Variants in CD276 observed in about 807,000 individuals in gnomAD.
CD276 encodes CD276 molecule.
CD276 carries 34 observed loss-of-function variants against 50.0 expected under a neutral mutation model. The ratio of observed to expected loss-of-function variants is 0.68; its 90% CI spans 0.52 to 0.91. The LOEUF (loss-of-function observed/expected upper bound fraction) is 0.91, where lower values mean the gene tolerates loss of function less well. CD276 is among the 40% of genes least tolerant of loss of function. CD276 has a pLI of 0.00. For missense variants in CD276, 634 were observed against 717.5 expected (o/e 0.88, Z 1.33); for synonymous variants, 275 against 313.0 (o/e 0.88, Z 1.28).
chr15:73,704,606 A>G lies in CD276; in HGVS notation c.1369+134A>G. On this transcript the variant is annotated intron_variant, in intron 6 of 9. Coordinates refer to ENST00000318443, the MANE Select transcript of CD276 (RefSeq NM_001024736.2). The surrounding 1 kb of genome is among the most constrained non-coding windows in gnomAD (Gnocchi z 4.1). The stretch of plus-strand genomic sequence containing the variant: ...CCTTTCATAGACTTCAGGTGCTCAC[A>G]CTCTTCCCCACAAGTCCTTAAGGGA... 2 of 1,174,698 alleles carry G rather than the reference A, an allele frequency of 1.7e-6. No individual in the cohort carries two copies. Among genetic ancestry groups the G allele is most frequent in the East Asian group, 2.6e-5 (1 of 38,944 alleles). 72.8% of individuals were successfully genotyped at this position (1,174,698 alleles called of 1,614,324 possible). A position where few individuals can be genotyped will look rare whatever the true frequency, so the allele number is the denominator to read the frequency against.
At chr15:73,698,022 G>C (rs1208003257) in intron 1 of CD276, among the ~76,000 whole-genome samples, 1 of 152,154 alleles carries the variant, frequency 6.6e-6, no homozygotes, top group Non-Finnish European at 1.5e-5. Flanking sequence ...AAATGTTTAG[G>C]CAGCAGCTGT....
intron 1 of CD276, among the ~76,000 whole-genome samples, chr15:73,686,012 C>A (rs866243996): frequency 2.0e-5 from 3 of 152,164 alleles, no homozygotes; most frequent in Admixed American, 1.3e-4. Flanking sequence ...AATTTACATA[C>A]GTCACCGTCA....
At chr15:73,705,843 T>C (rs1596017775) in intron 6 of CD276, among the ~76,000 whole-genome samples, 2 of 152,302 alleles carry the variant, frequency 1.3e-5, no homozygotes, top group African/African-American at 2.4e-5. Flanking sequence ...ATATTTGCGA[T>C]GCTGTGCAGA....
At position 73,704,059 on chromosome 15, in the gene CD276, C is replaced by G; in HGVS notation, c.1072+62C>G. The stretch of plus-strand genomic sequence containing the variant: ...ACCCTCCATTCCCTCTGCAGCCCAC[C>G]CTCTGCTGCACCACTGCTCCCAGAA... On this transcript the variant is annotated intron_variant, in intron 5 of 9. Coordinates refer to ENST00000318443, the MANE Select transcript of CD276 (RefSeq NM_001024736.2). The surrounding 1 kb of genome is among the most constrained non-coding windows in gnomAD (Gnocchi z 4.1). The G allele has an allele frequency of 6.4e-7, 1 of 1,568,376 alleles. No homozygotes were observed. Among genetic ancestry groups the G allele is most frequent in the Non-Finnish European group, 8.6e-7 (1 of 1,157,202 alleles).
rs1348553934 is a variant in CD276 at position 73,699,584 on chromosome 15, A to C, written c.-54-2A>C. ...AAAGGCCTTGCGTCCTCTTTCTCCC[A>C]GGCAGGGGCAGCCTTCCACCACGGG... On this transcript the variant is annotated splice_acceptor_variant, in intron 1 of 9. Transcript: ENST00000318443. LOFTEE classifies it low-confidence loss of function (5UTR_SPLICE). 3 of 1,598,974 alleles carry C rather than the reference A, an allele frequency of 1.9e-6. No homozygotes were observed. Among genetic ancestry groups the C allele is most frequent in the Non-Finnish European group, 2.6e-6 (3 of 1,174,230 alleles).
chr15:73,689,971 T>C (rs1463001368), intron 1 of CD276, among the ~76,000 whole-genome samples: 1 of 152,194 alleles, frequency 6.6e-6, no homozygotes, highest in African/African-American at 2.4e-5. Flanking sequence ...GTTTTCCTTT[T>C]TTCGTTAATT....
chr15:73,711,036 C>A, intron 8 of CD276, 99 bp from the exon 9 acceptor site: 1 of 1,277,596 alleles, frequency 7.8e-7, no homozygotes. Context: ...GCTGACTTGT[C>A]CCGCCCCTTC....
At chr15:73,684,789 G>A (rs1399358654) in intron 1 of CD276, 2 of 152,502 alleles carry the variant, frequency 1.3e-5, no homozygotes, top group Non-Finnish European at 2.9e-5. Flanking sequence ...GGAAGCTGCG[G>A]ACCGGGCCGG....
At chr15:73,690,833 C>T (rs1899959012) in intron 1 of CD276, 28 of 455,058 alleles carry the variant, frequency 6.2e-5, no homozygotes, top group South Asian at 4.3e-4. Flanking sequence ...TGGTGAGGGG[C>T]AAGTAGGAAG....
rs768506295 is a variant in CD276, at chr15:73,702,827, G to A, written c.474G>A (p.Gly158=). The change falls in exon 4 of 10, where the codon GGG becomes GGA. Residue 158 remains glycine, a synonymous_variant. Transcript: ENST00000318443. ...TLEPNKDLRP[G]DTVTITCSSY... ...AGCCCAACAAGGACCTGCGGCCAGG[G>A]GACACGGTGACCATCACGTGCTCCA... is the stretch of plus-strand genomic sequence containing the variant. The A allele has an allele frequency of 2.5e-6, 4 of 1,613,956 alleles. No homozygotes were observed. The highest frequency in any genetic ancestry group is 1.7e-5 in the Admixed American group (1 of 59,992).
rs1023939732 is a variant in CD276 at position 73,704,719 on chromosome 15, C to G, written c.1369+247C>G. Among the ~76,000 whole-genome samples, 3 of 152,186 alleles carry G rather than the reference C, an allele frequency of 2.0e-5. No individual in the cohort carries two copies. The highest frequency in any genetic ancestry group is 7.2e-5 in the African/African-American group (3 of 41,438). ...TGCTTCTTATGCAGAGGACAAGGTA[C>G]CTGCCCGAAATTTGGAGGCATGGGC... On this transcript the variant is annotated intron_variant, in intron 6 of 9. Transcript: ENST00000318443. The surrounding 1 kb of genome is among the most constrained non-coding windows in gnomAD (Gnocchi z 4.1).
rs1900810834 is a variant in CD276 at position 73,709,645 on chromosome 15, C to T, written c.1505-3C>T. On this transcript the variant is annotated splice_polypyrimidine_tract_variant and splice_region_variant and intron_variant, in intron 7 of 9. Transcript: ENST00000318443. Reference sequence around the variant, plus strand: ...TGTTTATTCTGAGTTCTTGCCTTTGCAGGAGCTGAGGACCAGGATGGGGAG... The same window carrying T: ...TGTTTATTCTGAGTTCTTGCCTTTGTAGGAGCTGAGGACCAGGATGGGGAG... The T allele has an allele frequency of 6.2e-7, 1 of 1,612,612 alleles. No homozygotes were observed. The highest frequency in any genetic ancestry group is 1.7e-5 in the Admixed American group (1 of 59,660).
rs555400591 is a variant in CD276 at position 73,703,117 on chromosome 15, G to A, written c.733+31G>A. 598 of 1,540,504 alleles carry A rather than the reference G, an allele frequency of 3.9e-4. 3 individuals carry two copies. The South Asian group carries it at 5.2e-3, about 13-fold the overall frequency. The stretch of plus-strand genomic sequence containing the variant: ...TTTGCTTAAATGTCCCCTTGGGGGA[G>A]GGGGGTTCTGCTTCTGTCGGCAGGG... On this transcript the variant is annotated intron_variant, in intron 4 of 9. Transcript: ENST00000318443.
In CD276 at chr15:73,713,629, A is replaced by G; in HGVS notation, c.*673A>G. On this transcript the variant is annotated 3_prime_UTR_variant, in exon 10 of 10. Transcript: ENST00000318443. ...GCGCCCACCACATGCACAGCTGTGC[A>G]TGGAGACCTGCAGGTGCACGTGCTG... 2.7e-6 allele frequency: 1 copy of G among 371,910 alleles called. No individual in the cohort carries two copies. Among genetic ancestry groups the G allele is most frequent in the South Asian group, 2.0e-5 (1 of 49,372 alleles). The allele number at this position is 371,910 out of a possible 1,614,324, so 23.0% of individuals were successfully genotyped here.
chr15:73,710,128 A>G (rs1461627793), intron 8 of CD276, among the ~76,000 whole-genome samples: 20 of 152,236 alleles, frequency 1.3e-4, no homozygotes, highest in Admixed American at 1.2e-3. Context: ...ACAGATTCAT[A>G]GGTTGTTTGA....
intron 6 of CD276, among the ~76,000 whole-genome samples, chr15:73,706,233 G>C (rs1900646898): frequency 6.6e-6 from 1 of 152,196 alleles, no homozygotes; most frequent in Non-Finnish European, 1.5e-5. Flanking sequence ...CTGGGTGACA[G>C]AGCAAGACAC....
At chr15:73,694,641 C>T (rs984351467) in intron 1 of CD276, among the ~76,000 whole-genome samples, 4 of 151,960 alleles carry the variant, frequency 2.6e-5, no homozygotes, top group African/African-American at 7.3e-5. Context: ...GCAGTATGAT[C>T]GCCACACACA....
intron 7 of CD276, 53 bp downstream of exon 7, chr15:73,708,526 G>A: frequency 6.4e-7 from 1 of 1,563,202 alleles, no homozygotes; most frequent in Non-Finnish European, 8.7e-7. Flanking sequence ...GTGTCTTGGG[G>A]TATGTTGCTG....
In CD276 at chr15:73,713,594, AG is replaced by A; in HGVS notation, c.*641del. 3.1e-6 allele frequency: 1 copy of A among 323,500 alleles called. No homozygotes were observed. The highest frequency in any genetic ancestry group is 5.9e-6 in the Non-Finnish European group (1 of 170,728). The allele number at this position is 323,500 out of a possible 1,614,324, so 20.0% of individuals were successfully genotyped here. On this transcript the variant is annotated 3_prime_UTR_variant, in exon 10 of 10. Coordinates refer to ENST00000318443, the MANE Select transcript of CD276 (RefSeq NM_001024736.2). Reference sequence around the variant, plus strand: ...TTCCCTCCCTGCCCCAAGTGAAGACAGGGCACTCTGCGCCCACCACATGCAC... The same window carrying A: ...TTCCCTCCCTGCCCCAAGTGAAGACAGGCACTCTGCGCCCACCACATGCAC...
Sources: gnomAD v4.1 joint callset for allele counts (sites outside exome capture counted in the v4.1 genomes callset) on GRCh38, gnomAD v4.1.1 for gene constraint, Gnocchi (gnomAD v3.1) non-coding constraint, MANE v1.5 for transcripts, NCBI Gene and HGNC (gene_info 2026-07-23, HGNC 2026-07-21) for gene names.